The following GREB1 variants were observed in gnomAD, a reference collection of about 807,000 sequenced individuals.
GREB1 encodes growth regulating estrogen receptor binding 1.
Under a neutral mutation model 200.7 loss-of-function variants are expected in GREB1, and 106 were observed. The ratio of observed to expected loss-of-function variants is 0.53; its 90% CI spans 0.45 to 0.62. GREB1 has a LOEUF of 0.62. GREB1 is among the 20% of genes least tolerant of loss of function. GREB1 has a pLI of 0.00. For synonymous variants in GREB1, 1,132 were observed against 1,092.4 expected (o/e 1.04, Z -0.72); for missense variants, 2,243 against 2,556.8 (o/e 0.88, Z 2.65).
intron 4 of GREB1, among the ~76,000 whole-genome samples, chr2:11,575,554 G>A (rs772208853): frequency 2.0e-5 from 3 of 152,182 alleles, no homozygotes; most frequent in Non-Finnish European, 4.4e-5. Flanking sequence ...TGGTGCAGAG[G>A]CCAGCAGCAG....
chr2:11,591,379 G>T, intron 10 of GREB1: 1 of 734,474 alleles, frequency 1.4e-6, no homozygotes, highest in Non-Finnish European at 2.5e-6. Flanking sequence ...ATGGAAGCCT[G>T]ACGCACTTTC....
Position 11,576,420 on chromosome 2 carries a change from T to C in GREB1, c.522T>C (p.His174=). 1 of 1,614,006 alleles carries C rather than the reference T, an allele frequency of 6.2e-7. No individual in the cohort carries two copies. Among genetic ancestry groups the C allele is most frequent in the South Asian group, 1.1e-5 (1 of 91,080 alleles). Residue 174 remains histidine (H), a synonymous_variant, in exon 5 of 33, where the codon CAT becomes CAC. Transcript: ENST00000381486. ...GFCYFTEFSN[H]INLKLTTQPK... ...GTTACTTCACGGAATTCTCCAATCATATAAATCTGAAACTGACCACTCAAC... is the reference window on the plus strand; with the variant it reads ...GTTACTTCACGGAATTCTCCAATCACATAAATCTGAAACTGACCACTCAAC...
chr2:11,504,911 T>C (rs1673139997), intron 1 of GREB1, among the ~76,000 whole-genome samples: 1 of 152,186 alleles, frequency 6.6e-6, no homozygotes, highest in African/African-American at 2.4e-5. Flanking sequence ...GCAAGATAGG[T>C]GTGATCACAT....
intron 22 of GREB1, among the ~76,000 whole-genome samples, chr2:11,619,144 G>A (rs867603733): frequency 4.6e-5 from 7 of 152,298 alleles, no homozygotes; most frequent in Middle Eastern, 6.8e-3. Flanking sequence ...TGTAGGGGGC[G>A]GACAGGAGAC....
chr2:11,506,023 G>A (rs1673174257), intron 1 of GREB1, among the ~76,000 whole-genome samples: 1 of 152,214 alleles, frequency 6.6e-6, no homozygotes, highest in African/African-American at 2.4e-5. Flanking sequence ...GTTCTACAGT[G>A]AAGGAGCGAC....
At chr2:11,610,567 A>C in intron 17 of GREB1, 121 bp from the exon 18 acceptor site, 1 of 716,370 alleles carries the variant, frequency 1.4e-6, no homozygotes, top group Non-Finnish European at 2.4e-6. Context: ...TCCAGAGGCA[A>C]CACAACTGCG....
chr2:11,627,509 C>T (rs761563238), intron 25 of GREB1, among the ~76,000 whole-genome samples: 40 of 152,318 alleles, frequency 2.6e-4, no homozygotes, highest in African/African-American at 4.1e-4. Context: ...CAAAACCTAA[C>T]GATATGAAGC....
chr2:11,561,361 ATTTTTTTT>A (rs368618248), intron 2 of GREB1: 1 of 110,736 alleles, frequency 9.0e-6, no homozygotes, highest in Admixed American at 9.4e-5. Context: ...CCTTGGGGAT[ATTTTTTTT>A]TTTTTTTTTT....
At chr2:11,624,074 A>G (rs1684229500) in intron 23 of GREB1, among the ~76,000 whole-genome samples, 1 of 152,222 alleles carries the variant, frequency 6.6e-6, no homozygotes, top group African/African-American at 2.4e-5. Context: ...TAAAAAAGTT[A>G]TAGTAAGCTA....
chr2:11,562,437 C>T, intron 2 of GREB1, 26 bp from the exon 3 acceptor site: 1 of 1,610,928 alleles, frequency 6.2e-7, no homozygotes, highest in African/African-American at 1.3e-5. Context: ...AGCTGCCTTG[C>T]TCATCACTCT....
At chr2:11,512,613 G>A (rs540805794) in intron 1 of GREB1, among the ~76,000 whole-genome samples, 51 of 152,200 alleles carry the variant, frequency 3.4e-4, no homozygotes, top group Non-Finnish European at 5.9e-4. Flanking sequence ...TGAGCTTGGC[G>A]TGGGTCCCTG....
At chr2:11,639,388 A>G (rs779222104) in intron 32 of GREB1, among the ~76,000 whole-genome samples, 2 of 152,122 alleles carry the variant, frequency 1.3e-5, no homozygotes, top group African/African-American at 2.4e-5. Context: ...CGCACCAGCC[A>G]TGTGTGTTCT....
At chr2:11,627,316 G>A (rs1684547518) in intron 25 of GREB1, among the ~76,000 whole-genome samples, 1 of 152,202 alleles carries the variant, frequency 6.6e-6, no homozygotes, top group African/African-American at 2.4e-5. Context: ...GTGTTTATCA[G>A]TGGCCAAGTT....
chr2:11,618,163 T>C (rs1453608601), intron 21 of GREB1, 125 bp from the exon 22 acceptor site: 2 of 783,524 alleles, frequency 2.6e-6, no homozygotes, highest in Admixed American at 3.6e-5. Context: ...ACTCCTGGGA[T>C]GGGTGACTCC....
intron 22 of GREB1, among the ~76,000 whole-genome samples, chr2:11,619,286 A>G (rs1683803314): frequency 1.3e-5 from 2 of 152,218 alleles, no homozygotes; most frequent in South Asian, 2.1e-4. Context: ...TGAACGGAGA[A>G]CTAGGGGTTC....
chr2:11,524,710 G>A lies in GREB1; in HGVS notation c.-158-31747G>A, dbSNP rs1673814366. On this transcript the variant is annotated intron_variant, in intron 1 of 2. Coordinates refer to the GREB1 transcript ENST00000628795. ...CACATCAGTCATCTTCTCTTCACTG[G>A]TTGCATGGATGCTGGAGTCTGTGTG... is the stretch of plus-strand genomic sequence containing the variant. Among the ~76,000 whole-genome samples the A allele has an allele frequency of 3.3e-5, 5 of 152,058 alleles. No individual in the cohort carries two copies. The South Asian group carries it at 1.0e-3, about 32-fold the overall frequency.
chr2:11,620,919 T>C lies in GREB1; in HGVS notation c.4059T>C (p.Gly1353=), dbSNP rs563492128. 404 of 1,609,214 alleles carry C rather than the reference T, an allele frequency of 2.5e-4. 3 individuals are homozygous for C. Among genetic ancestry groups the C allele is most frequent in the Admixed American group, 1.0e-3 (60 of 60,010 alleles). ...LSGPPQIGKT[G]AYLQFLSVLS... Reference sequence around the variant, plus strand: ...TACCTTTACAGATCGGGAAGACAGGTGCCTACCTGCAGTTCCTCAGTGTCC... The same window carrying C: ...TACCTTTACAGATCGGGAAGACAGGCGCCTACCTGCAGTTCCTCAGTGTCC... The change falls in exon 23 of 33, where the codon GGT becomes GGC. Residue 1353 remains glycine, a synonymous_variant. Transcript: ENST00000381486.
intron 30 of GREB1, among the ~76,000 whole-genome samples, chr2:11,636,164 G>A (rs1294890203): frequency 6.6e-6 from 1 of 152,206 alleles, no homozygotes; most frequent in African/African-American, 2.4e-5. Flanking sequence ...GGAGTTGGGG[G>A]CCTCTCCTCA....
In GREB1 at chr2:11,618,545, T is replaced by C. The variant is rs1189756079; in HGVS notation, c.3670T>C (p.Ser1224Pro). The part of the protein sequence containing the change: ...SVTSSCSQLS[S>P]SSGSSSSSVA... ...CACCTCGTCGTGCTCCCAGCTGTCC[T>C]CCTCCTCGGGCTCATCCTCCTCATC... Residue 1224 changes from serine to proline, a missense_variant, in exon 22 of 33, where the codon TCC becomes CCC. By Grantham distance (74) the Ser-to-Pro change is moderately conservative (BLOSUM62 -1). Coordinates refer to ENST00000381486, the MANE Select transcript of GREB1 (RefSeq NM_014668.4). The C allele has an allele frequency of 3.7e-6, 6 of 1,612,514 alleles. No homozygotes were observed. The highest frequency in any genetic ancestry group is 5.1e-6 in the Non-Finnish European group (6 of 1,179,820).
Sources: gnomAD v4.1 joint callset for allele counts (sites outside exome capture counted in the v4.1 genomes callset) on GRCh38, gnomAD v4.1.1 for gene constraint, MANE v1.5 for transcripts, NCBI Gene and HGNC (gene_info 2026-07-23, HGNC 2026-07-21) for gene names.